Variants in TNS3 observed in about 807,000 individuals in gnomAD.
The protein encoded by TNS3 is tensin-3.
Under a neutral mutation model 140.9 loss-of-function variants are expected in TNS3, and 45 were observed. The observed-to-expected ratio is 0.32, with a 90% CI of 0.25 to 0.41. TNS3 has a LOEUF of 0.41. Among genes scored for constraint, TNS3 ranks in the 10% least tolerant of loss-of-function variants. The pLI, the probability that TNS3 is intolerant of heterozygous loss-of-function variation, is 1.00. For missense variants in TNS3, 1,716 were observed against 1,906.7 expected, an observed-to-expected ratio of 0.90 and a Z score of 1.86; for synonymous variants, 815 against 788.4, an observed-to-expected ratio of 1.03 and a Z score of -0.56.
intron 4 of TNS3, among the ~76,000 whole-genome samples, chr7:47,461,363 G>A (rs1584711878): frequency 6.6e-6 from 1 of 152,188 alleles, no homozygotes; most frequent in South Asian, 2.1e-4. Flanking sequence ...CTCCCTGTTC[G>A]TTCCATGAGA....
chr7:47,480,345 G>A (rs1431412963), intron 4 of TNS3, among the ~76,000 whole-genome samples: 1 of 152,218 alleles, frequency 6.6e-6, no homozygotes, highest in Non-Finnish European at 1.5e-5. Context: ...GCCCAGACCT[G>A]CACACACTTC....
chr7:47,563,992 G>C (rs766001003), intron 1 of TNS3, among the ~76,000 whole-genome samples: 3 of 151,888 alleles, frequency 2.0e-5, no homozygotes, highest in Non-Finnish European at 2.9e-5. Context: ...AGGAGATCAA[G>C]ACCTTCCTGG....
chr7:47,284,776 G>T (rs1785327378), intron 27 of TNS3, among the ~76,000 whole-genome samples: 1 of 152,202 alleles, frequency 6.6e-6, no homozygotes, highest in Admixed American at 6.5e-5. Flanking sequence ...GTGGTTAAAG[G>T]CCTCTAAAGT....
At chr7:47,501,655 C>T (rs1287174077) in intron 3 of TNS3, among the ~76,000 whole-genome samples, 2 of 152,032 alleles carry the variant, frequency 1.3e-5, no homozygotes, top group African/African-American at 2.4e-5. Flanking sequence ...TCCTTGTGCA[C>T]GGGTGAGAAG....
At chr7:47,324,385 C>T (rs983928241) in intron 20 of TNS3, among the ~76,000 whole-genome samples, 1 of 152,198 alleles carries the variant, frequency 6.6e-6, no homozygotes. Flanking sequence ...TTGGGAGGGT[C>T]CAACATGTTT....
intron 13 of TNS3, among the ~76,000 whole-genome samples, chr7:47,408,578 G>A (rs1793576877): frequency 1.3e-5 from 2 of 152,296 alleles, no homozygotes; most frequent in South Asian, 2.1e-4. Context: ...GGGTCACATC[G>A]ATGCAGTTTC....
intron 1 of TNS3, among the ~76,000 whole-genome samples, chr7:47,559,873 C>T (rs562386410): frequency 6.6e-6 from 1 of 152,284 alleles, no homozygotes; most frequent in East Asian, 1.9e-4. Flanking sequence ...ATTCGGCGGT[C>T]GAGCAGCCCT....
intron 16 of TNS3, among the ~76,000 whole-genome samples, chr7:47,379,295 AT>A (rs1464913242): frequency 6.6e-6 from 1 of 152,228 alleles, no homozygotes; most frequent in African/African-American, 2.4e-5. Flanking sequence ...TACCCATAGC[AT>A]ATGCAAAAAT....
chr7:47,370,916 A>G (rs879305605), intron 16 of TNS3, among the ~76,000 whole-genome samples: 6 of 152,242 alleles, frequency 3.9e-5, no homozygotes, highest in Non-Finnish European at 5.9e-5. Flanking sequence ...CACCATGGTC[A>G]GCAGCTGCTG....
Position 47,389,154 on chromosome 7 carries a change from A to AAGAAGAAGAAGAAGAAGAAGAAGC in TNS3, c.1024+7645_1024+7646insGCTTCTTCTTCTTCTTCTTCTTCT, listed in dbSNP as rs1340201271. Among the ~76,000 whole-genome samples the AAGAAGAAGAAGAAGAAGAAGAAGC allele has an allele frequency of 3.5e-4, 29 of 82,294 alleles. 8 individuals are homozygous for AAGAAGAAGAAGAAGAAGAAGAAGC. Among genetic ancestry groups the AAGAAGAAGAAGAAGAAGAAGAAGC allele is most frequent in the Middle Eastern group, 0.014 (2 of 142 alleles). 54.0% of individuals were successfully genotyped at this position (82,294 alleles called of 152,430 possible). Reference sequence around the variant, plus strand: ...GAAGAAGAAGAAGAAGAAGAAGAAGAAGCAGAAGAAGCAGCAGAAGCAGAA... The same window carrying AAGAAGAAGAAGAAGAAGAAGAAGC: ...GAAGAAGAAGAAGAAGAAGAAGAAGAAGAAGAAGAAGAAGAAGAAGAAGCAGCAGAAGAAGCAGCAGAAGCAGAA... On this transcript the variant is annotated intron_variant, in intron 16 of 30. Coordinates refer to ENST00000311160, the MANE Select transcript of TNS3 (RefSeq NM_022748.12).
At chr7:47,392,481 G>A (rs1378491263) in intron 16 of TNS3, among the ~76,000 whole-genome samples, 8 of 152,158 alleles carry the variant, frequency 5.3e-5, no homozygotes, top group African/African-American at 1.9e-4. Context: ...CCAGGCGGCG[G>A]GGGGATAGAA....
intron 9 of TNS3, among the ~76,000 whole-genome samples, chr7:47,427,311 T>C (rs906246932): frequency 1.3e-5 from 2 of 152,054 alleles, no homozygotes; most frequent in Admixed American, 6.6e-5. Context: ...TGATTTTCAC[T>C]TGGGGGTTGG....
chr7:47,454,581 G>A (rs1349722691), intron 4 of TNS3, among the ~76,000 whole-genome samples: 2 of 151,374 alleles, frequency 1.3e-5, no homozygotes, highest in Non-Finnish European at 3.0e-5. Context: ...TTTTACAATG[G>A]AGGAAAGGCC....
chr7:47,530,838 A>AAATAT, intron 1 of TNS3, among the ~76,000 whole-genome samples: 20 of 54,560 alleles, frequency 3.7e-4, no homozygotes, highest in South Asian at 2.7e-3. Flanking sequence ...AAAAAAAAAA[A>AAATAT]ATATATATAT....
At chr7:47,478,719 C>T (rs747210909) in intron 4 of TNS3, among the ~76,000 whole-genome samples, 1 of 151,848 alleles carries the variant, frequency 6.6e-6, no homozygotes, top group Non-Finnish European at 1.5e-5. Context: ...ACATACATAA[C>T]TCTCATATGT....
At position 47,302,961 on chromosome 7, in the gene TNS3, G is replaced by A. The variant is rs199531277; in HGVS notation, c.3446C>T (p.Ser1149Leu). ...PDFSKASEAASPLPDSPGDKL... is the reference protein window; with the variant it reads ...PDFSKASEAALPLPDSPGDKL... ...GGAAACACACCTACCTGGCAGAGGT[G>A]AGGCCGCTTCTGAAGCCTTGGAAAA... The change falls in exon 22 of 31, where the codon TCA becomes TTA. Residue 1149 changes from serine to leucine, a missense_variant. Around this residue, in one of 3 missense-constraint regions of TNS3, gnomAD observed 1,163 missense variants for 1,182.1 expected, o/e 0.98. Coordinates refer to ENST00000311160, the MANE Select transcript of TNS3 (RefSeq NM_022748.12). 1.1e-5 allele frequency: 17 copies of A among 1,604,970 alleles called. No individual in the cohort carries two copies. Among genetic ancestry groups the A allele is most frequent in the Middle Eastern group, 1.7e-4 (1 of 6,012 alleles).
chr7:47,351,066 A>G (rs1449695647), intron 17 of TNS3, among the ~76,000 whole-genome samples: 2 of 152,176 alleles, frequency 1.3e-5, no homozygotes, highest in African/African-American at 4.8e-5. Context: ...TTCGCCAGTA[A>G]TATGTATTAC....
intron 1 of TNS3, among the ~76,000 whole-genome samples, chr7:47,563,182 C>T (rs964007180): frequency 9.2e-5 from 14 of 152,214 alleles, no homozygotes; most frequent in African/African-American, 3.1e-4. Flanking sequence ...TGCATGGGCA[C>T]CTGCCAGAAA....
intron 16 of TNS3, among the ~76,000 whole-genome samples, chr7:47,391,372 G>A (rs957945179): frequency 6.6e-6 from 1 of 152,160 alleles, no homozygotes; most frequent in Admixed American, 6.5e-5. Flanking sequence ...CAGCATCAGA[G>A]CCATGGCAAT....
Sources: gnomAD v4.1 joint callset for allele counts (sites outside exome capture counted in the v4.1 genomes callset) on GRCh38, gnomAD v4.1.1 for gene constraint, gnomAD v4.1.1 regional missense constraint, MANE v1.5 for transcripts, NCBI Gene and HGNC (gene_info 2026-07-23, HGNC 2026-07-21) for gene names.